IMMP2L: variants seen among roughly 807,000 people sequenced by gnomAD.
IMMP2L encodes the protein mitochondrial inner membrane protease subunit 2.
In IMMP2L, 18 loss-of-function variants were observed where a neutral mutation model predicts 19.3. That is an observed-to-expected ratio of 0.93 (90% CI 0.64 to 1.38). The LOEUF (loss-of-function observed/expected upper bound fraction) is 1.38, where lower values mean the gene tolerates loss of function less well. IMMP2L is among the 40% of genes most tolerant of loss of function. IMMP2L has a pLI of 0.00. For missense variants in IMMP2L, 233 were observed against 218.2 expected, an observed-to-expected ratio of 1.07 and a Z score of -0.43; for synonymous variants, 76 against 73.0, an observed-to-expected ratio of 1.04 and a Z score of -0.21.
At chr7:111,168,525 G>T (rs1001875044) in intron 3 of IMMP2L, among the ~76,000 whole-genome samples, 5 of 151,718 alleles carry the variant, frequency 3.3e-5, no homozygotes, top group African/African-American at 1.2e-4. Context: ...TATATTTTTT[G>T]GGGGCAAATA....
At position 111,415,798 on chromosome 7, in the gene IMMP2L, C is replaced by G. The variant is rs976739305; in HGVS notation, c.239+71440G>C. Among the ~76,000 whole-genome samples the G allele has an allele frequency of 2.6e-5, 4 of 151,448 alleles. 1 individual carries two copies. Among genetic ancestry groups the G allele is most frequent in the African/African-American group, 9.8e-5 (4 of 40,988 alleles). ...TCAATTTCAAAGAAATTTCACATAA[C>G]AACTTAAAATTCTACTTAGGATTTT... On this transcript the variant is annotated intron_variant, in intron 3 of 5. Coordinates refer to ENST00000405709, the MANE Select transcript of IMMP2L (RefSeq NM_032549.4).
intron 3 of IMMP2L, among the ~76,000 whole-genome samples, chr7:111,253,590 C>T (rs765897460): frequency 6.6e-6 from 1 of 152,140 alleles, no homozygotes; most frequent in Non-Finnish European, 1.5e-5. Flanking sequence ...TGAAAAGTAA[C>T]ACCAATGGTC....
At position 111,123,992 on chromosome 7, in the gene IMMP2L, T is replaced by C; in HGVS notation, c.240-160427A>G. 6.2e-7 allele frequency: 1 copy of C among 1,614,072 alleles called. No individual in the cohort carries two copies. Among genetic ancestry groups the C allele is most frequent in the Non-Finnish European group, 8.5e-7 (1 of 1,179,992 alleles). On this transcript the variant is annotated intron_variant, in intron 3 of 5. Transcript: ENST00000405709. This position sits in a 1 kb window ranked among gnomAD's most constrained non-coding sequence, Gnocchi z 6.4. ...CCACCTGAATTCCAAGGTCAGAATG[T>C]TCGGCAAGTGCATTTCAGGGACATG...
chr7:110,723,485 G>C (rs1314613301), intron 5 of IMMP2L, among the ~76,000 whole-genome samples: 2 of 151,766 alleles, frequency 1.3e-5, no homozygotes, highest in Non-Finnish European at 2.9e-5. Context: ...CTACTAAAGG[G>C]AATAAAAGGT....
intron 3 of IMMP2L, among the ~76,000 whole-genome samples, chr7:111,382,682 T>C (rs1831317378): frequency 6.6e-6 from 1 of 152,110 alleles, no homozygotes; most frequent in East Asian, 1.9e-4. Flanking sequence ...GAATAACTAA[T>C]GGAGCAAGAG....
At chr7:111,270,057 C>CTGTGTGTGTGTG (rs58848663) in intron 3 of IMMP2L, among the ~76,000 whole-genome samples, 21 of 140,520 alleles carry the variant, frequency 1.5e-4, no homozygotes, top group African/African-American at 5.5e-4. Flanking sequence ...GCATGTGTGT[C>CTGTGTGTGTGTG]TGTGTGTGTG....
intron 2 of IMMP2L, among the ~76,000 whole-genome samples, chr7:111,507,101 C>A (rs955102522): frequency 6.6e-6 from 1 of 151,796 alleles, no homozygotes; most frequent in South Asian, 2.1e-4. Flanking sequence ...TTGGCCTCCC[C>A]AAGTGCTGGG....
At chr7:111,348,515 C>T (rs907607803) in intron 3 of IMMP2L, among the ~76,000 whole-genome samples, 1 of 152,062 alleles carries the variant, frequency 6.6e-6, no homozygotes, top group Non-Finnish European at 1.5e-5. Flanking sequence ...TAATACACTT[C>T]CTTCTCCATT....
At chr7:111,363,133 G>C (rs1829420913) in intron 3 of IMMP2L, among the ~76,000 whole-genome samples, 1 of 151,912 alleles carries the variant, frequency 6.6e-6, no homozygotes, top group Admixed American at 6.6e-5. Context: ...CCCATTCACA[G>C]AAAACAATCA....
chr7:111,470,094 C>T (rs986689191), intron 3 of IMMP2L, among the ~76,000 whole-genome samples: 4 of 152,114 alleles, frequency 2.6e-5, no homozygotes, highest in Non-Finnish European at 4.4e-5. Context: ...CAAAAGAAGA[C>T]ATTAATGCAG....
Position 111,451,567 on chromosome 7 carries a change from A to T in IMMP2L, c.239+35671T>A, listed in dbSNP as rs1423698584. 4.1e-3 allele frequency among the ~76,000 whole-genome samples: 276 copies of T among 68,044 alleles called. 1 individual carries two copies. The highest frequency in any genetic ancestry group is 5.9e-3 in the Non-Finnish European group (221 of 37,296). 44.6% of individuals were successfully genotyped at this position (68,044 alleles called of 152,430 possible). A position where few individuals can be genotyped will look rare whatever the true frequency, so the allele number is the denominator to read the frequency against. On this transcript the variant is annotated intron_variant, in intron 3 of 5. Coordinates refer to ENST00000405709, the MANE Select transcript of IMMP2L (RefSeq NM_032549.4). ...TCACACTCTGGGGACTGTGGTGGGG[A>T]GGGGGGAGGGGGGAGGGATAGCATT...
intron 3 of IMMP2L, among the ~76,000 whole-genome samples, chr7:111,328,511 T>C (rs1017840513): frequency 1.3e-5 from 2 of 151,830 alleles, no homozygotes; most frequent in Non-Finnish European, 2.9e-5. Context: ...GTTTGAAGAA[T>C]ATAAAGTAAA....
chr7:110,801,571 C>T (rs1471705209), intron 5 of IMMP2L, among the ~76,000 whole-genome samples: 2 of 152,090 alleles, frequency 1.3e-5, no homozygotes, highest in South Asian at 2.1e-4. Context: ...CCTATTTATG[C>T]TGTTACAATT....
intron 2 of IMMP2L, among the ~76,000 whole-genome samples, chr7:111,512,270 T>C (rs1448658061): frequency 6.6e-6 from 1 of 152,036 alleles, no homozygotes; most frequent in Non-Finnish European, 1.5e-5. Context: ...AAAGAGCCAG[T>C]CAGGAAAAAC....
chr7:111,142,326 A>T (rs1286882235), intron 3 of IMMP2L, among the ~76,000 whole-genome samples: 1 of 57,824 alleles, frequency 1.7e-5, no homozygotes, highest in Non-Finnish European at 3.4e-5. Flanking sequence ...ACTCTGTCTC[A>T]AAAAAAAAAA....
intron 3 of IMMP2L, among the ~76,000 whole-genome samples, chr7:111,039,796 C>T (rs994469131): frequency 1.3e-5 from 2 of 152,200 alleles, no homozygotes; most frequent in Non-Finnish European, 2.9e-5. Flanking sequence ...ATCTTCTCAT[C>T]TTCCTATGCC....
chr7:111,066,973 G>A (rs4727755), intron 3 of IMMP2L, among the ~76,000 whole-genome samples: 116,518 of 152,034 alleles, frequency 0.77, 47,601 homozygotes, highest in Non-Finnish European at 0.9. Flanking sequence ...CAAGACCTAG[G>A]TAAGCTCCCC....
At chr7:111,433,122 T>A (rs1024038314) in intron 3 of IMMP2L, among the ~76,000 whole-genome samples, 3 of 151,702 alleles carry the variant, frequency 2.0e-5, no homozygotes, top group African/African-American at 7.3e-5. Flanking sequence ...TGGGGAGGCC[T>A]CAGGATACTT....
intron 3 of IMMP2L, among the ~76,000 whole-genome samples, chr7:110,987,428 A>G (rs1013123818): frequency 6.6e-6 from 1 of 152,152 alleles, no homozygotes; most frequent in African/African-American, 2.4e-5. Flanking sequence ...AAAATTTAAA[A>G]TGGTCCTTCT....
Sources: allele counts gnomAD v4.1 joint callset (sites outside exome capture counted in the v4.1 genomes callset), GRCh38; gene constraint gnomAD v4.1.1; non-coding constraint Gnocchi (gnomAD v3.1); transcripts MANE v1.5; gene names NCBI Gene and HGNC (gene_info 2026-07-23, HGNC 2026-07-21).